Variants in ME3 observed in about 807,000 individuals in gnomAD.
The protein encoded by ME3 is NADP-dependent malic enzyme, mitochondrial.
ME3 carries 48 observed loss-of-function variants against 68.9 expected under a neutral mutation model. The ratio of observed to expected loss-of-function variants is 0.70; its 90% CI spans 0.55 to 0.89. The LOEUF is 0.89. Among genes scored for constraint, ME3 ranks in the 40% least tolerant of loss-of-function variants. The pLI is 0.00. For missense variants in ME3, 675 were observed against 797.4 expected, an observed-to-expected ratio of 0.85 and a Z score of 1.85; for synonymous variants, 320 against 318.8, an observed-to-expected ratio of 1.00 and a Z score of -0.04.
intron 2 of ME3, among the ~76,000 whole-genome samples, chr11:86,606,047 G>A (rs1401800594): frequency 1.3e-5 from 2 of 152,100 alleles, no homozygotes; most frequent in South Asian, 2.1e-4. Flanking sequence ...GTATCTGGGA[G>A]TTCACCCTGT....
intron 7 of ME3, among the ~76,000 whole-genome samples, chr11:86,479,770 C>T (rs1373055659): frequency 6.6e-6 from 1 of 151,766 alleles, no homozygotes; most frequent in Non-Finnish European, 1.5e-5. Flanking sequence ...AAAATGTCTT[C>T]TTGGAAGGAC....
Position 86,671,655 on chromosome 11 carries a change from G to A in ME3, c.183+107C>T, listed in dbSNP as rs1050634050. 6 of 1,412,924 alleles carry A rather than the reference G, an allele frequency of 4.2e-6. No individual in the cohort carries two copies. The African/African-American group carries it at 6.0e-5, about 14-fold the overall frequency. 87.5% of individuals were successfully genotyped at this position (1,412,924 alleles called of 1,614,324 possible). A position where few individuals can be genotyped will look rare whatever the true frequency, so the allele number is the denominator to read the frequency against. Reference sequence around the variant, plus strand: ...CCTGCAAGGCAAAAACAGAAAAACCGCTGGAAGGGCGCCCGGGAGGATCCT... The same window carrying A: ...CCTGCAAGGCAAAAACAGAAAAACCACTGGAAGGGCGCCCGGGAGGATCCT... On this transcript the variant is annotated intron_variant, in intron 2 of 14. Transcript: ENST00000543262.
intron 2 of ME3, among the ~76,000 whole-genome samples, chr11:86,563,270 T>G: frequency 6.6e-6 from 1 of 152,130 alleles, no homozygotes; most frequent in Non-Finnish European, 1.5e-5. Context: ...CTGGACTAAT[T>G]TACATTACAT....
At chr11:86,533,823 C>T (rs1349491692) in intron 4 of ME3, among the ~76,000 whole-genome samples, 1 of 152,080 alleles carries the variant, frequency 6.6e-6, no homozygotes, top group Non-Finnish European at 1.5e-5. Context: ...GTAAAGTGCA[C>T]TTACACAAAC....
At chr11:86,512,251 T>C (rs1246041601) in intron 4 of ME3, among the ~76,000 whole-genome samples, 2 of 152,240 alleles carry the variant, frequency 1.3e-5, no homozygotes, top group Non-Finnish European at 2.9e-5. Context: ...ATACTCATGC[T>C]CTTGATAACT....
intron 2 of ME3, among the ~76,000 whole-genome samples, chr11:86,567,243 A>AAAGGAAGGAAGGAAGGAAGGAAGGAAGG (rs149764846): frequency 1.4e-5 from 2 of 144,464 alleles, no homozygotes; most frequent in African/African-American, 5.1e-5. Flanking sequence ...GAAAAGAAAG[A>AAAGGAAGGAAGGAAGGAAGGAAGGAAGG]AAGGAAGGAA....
intron 4 of ME3, among the ~76,000 whole-genome samples, chr11:86,510,086 C>T (rs1953404638): frequency 6.6e-6 from 1 of 152,080 alleles, no homozygotes; most frequent in South Asian, 2.1e-4. Flanking sequence ...TGTTCTTTCA[C>T]TCTCCTCCCT....
intron 4 of ME3, among the ~76,000 whole-genome samples, 189 bp downstream of exon 4, chr11:86,556,364 C>T (rs1956924538): frequency 6.6e-6 from 1 of 152,074 alleles, no homozygotes; most frequent in African/African-American, 2.4e-5. Flanking sequence ...GCTAGCTACT[C>T]TTTTCACTCA....
At chr11:86,452,413 C>T (rs765797860) in intron 8 of ME3, among the ~76,000 whole-genome samples, 1 of 151,964 alleles carries the variant, frequency 6.6e-6, no homozygotes, top group Non-Finnish European at 1.5e-5. Flanking sequence ...CTTCTAGGGG[C>T]GTATCTTCAT....
intron 2 of ME3, among the ~76,000 whole-genome samples, chr11:86,598,431 A>C (rs1959948187): frequency 6.6e-6 from 1 of 152,234 alleles, no homozygotes; most frequent in South Asian, 2.1e-4. Flanking sequence ...TCGCTTAGGT[A>C]AACGAAGCAG....
chr11:86,513,697 G>A (rs551443103), intron 4 of ME3, among the ~76,000 whole-genome samples: 65 of 152,248 alleles, frequency 4.3e-4, no homozygotes, highest in African/African-American at 1.5e-3. Flanking sequence ...GCGGGGCTAG[G>A]GATTATGATG....
intron 2 of ME3, among the ~76,000 whole-genome samples, chr11:86,587,618 T>C (rs1035211249): frequency 1.3e-5 from 2 of 152,106 alleles, no homozygotes; most frequent in Non-Finnish European, 2.9e-5. Context: ...CCTCCAAATG[T>C]TTTTATTTTT....
intron 2 of ME3, among the ~76,000 whole-genome samples, chr11:86,597,221 G>A (rs936945750): frequency 1.3e-5 from 2 of 152,234 alleles, no homozygotes; most frequent in African/African-American, 4.8e-5. Flanking sequence ...GGGCCCCAGG[G>A]ACCTGGAATG....
At chr11:86,563,551 A>G (rs968790122) in intron 2 of ME3, among the ~76,000 whole-genome samples, 1 of 152,038 alleles carries the variant, frequency 6.6e-6, no homozygotes, top group African/African-American at 2.4e-5. Context: ...AGTATTTCTT[A>G]TGTTGTCTTT....
intron 2 of ME3, among the ~76,000 whole-genome samples, chr11:86,598,371 C>T (rs1959925180): frequency 6.6e-6 from 1 of 152,216 alleles, no homozygotes; most frequent in Non-Finnish European, 1.5e-5. Context: ...TAAGATCAAA[C>T]TGCAAGGCAG....
intron 3 of ME3, among the ~76,000 whole-genome samples, chr11:86,558,947 T>G (rs1957063893): frequency 1.3e-5 from 2 of 152,212 alleles, no homozygotes; most frequent in Non-Finnish European, 2.9e-5. Flanking sequence ...AGTCTGGTCT[T>G]GTAGCCACTG....
chr11:86,634,089 A>G (rs722158), intron 2 of ME3, among the ~76,000 whole-genome samples: 29,582 of 152,124 alleles, frequency 0.19, 3,357 homozygotes, highest in East Asian at 0.4. Context: ...CCATTCCTAC[A>G]AACAGCCATT....
chr11:86,490,638 T>A (rs1226233292), intron 6 of ME3, among the ~76,000 whole-genome samples: 1 of 152,168 alleles, frequency 6.6e-6, no homozygotes, highest in African/African-American at 2.4e-5. Flanking sequence ...TACACAGATA[T>A]CATAATTATA....
chr11:86,656,481 A>T (rs530247584), intron 2 of ME3, among the ~76,000 whole-genome samples: 29 of 152,130 alleles, frequency 1.9e-4, no homozygotes, highest in African/African-American at 6.3e-4. Flanking sequence ...CATCATTCTC[A>T]GCAAACCATC....
Sources: gnomAD v4.1 joint callset for allele counts (sites outside exome capture counted in the v4.1 genomes callset) on GRCh38, gnomAD v4.1.1 for gene constraint, MANE v1.5 for transcripts, NCBI Gene and HGNC (gene_info 2026-07-23, HGNC 2026-07-21) for gene names.